The following BRINP2 variants were observed in gnomAD, a reference collection of about 807,000 sequenced individuals.
The protein encoded by BRINP2 is BMP/retinoic acid inducible neural specific 2.
BRINP2 carries 21 observed loss-of-function variants against 69.2 expected under a neutral mutation model. That is an observed-to-expected ratio of 0.30 (90% CI 0.22 to 0.44). The LOEUF (loss-of-function observed/expected upper bound fraction) is 0.44, where lower values mean the gene tolerates loss of function less well. BRINP2 is among the 20% of genes least tolerant of loss of function. The pLI is 1.00. For missense variants in BRINP2, 877 were observed against 986.0 expected, an observed-to-expected ratio of 0.89 and a Z score of 1.48; for synonymous variants, 380 against 394.1, an observed-to-expected ratio of 0.96 and a Z score of 0.42.
chr1:177,222,697 A>T (rs1649572457), intron 1 of BRINP2, among the ~76,000 whole-genome samples: 1 of 142,334 alleles, frequency 7.0e-6, no homozygotes, highest in East Asian at 2.0e-4. Context: ...TTGTTATCTT[A>T]AAAAAAAAAA....
In BRINP2 at chr1:177,209,311, T is replaced by G. The variant is rs551675605; in HGVS notation, c.-76-20490T>G. Reference sequence around the variant, plus strand: ...AGAAAGCATATGGGTAATTTCTCCCTAGGCCCTCCACACCAGCTGAGATGT... The same window carrying G: ...AGAAAGCATATGGGTAATTTCTCCCGAGGCCCTCCACACCAGCTGAGATGT... On this transcript the variant is annotated intron_variant, in intron 1 of 7. Transcript: ENST00000361539. Among the ~76,000 whole-genome samples the G allele has an allele frequency of 9.4e-4, 143 of 152,282 alleles. 1 individual carries two copies. Among genetic ancestry groups the G allele is most frequent in the African/African-American group, 2.7e-3 (111 of 41,572 alleles).
Position 177,255,907 on chromosome 1 carries a change from C to T in BRINP2, c.270-12C>T. The T allele has an allele frequency of 6.2e-7, 1 of 1,612,930 alleles. No individual in the cohort carries two copies. The highest frequency in any genetic ancestry group is 8.5e-7 in the Non-Finnish European group (1 of 1,179,310). On this transcript the variant is annotated splice_polypyrimidine_tract_variant and intron_variant, in intron 2 of 7. Transcript: ENST00000361539. ...AGGTCAGCTTTTCCTTATCCCTTGG[C>T]TTTTCCCCCAGGGAGTTTGCCCGTT...
At chr1:177,251,672 C>A (rs1330273444) in intron 2 of BRINP2, among the ~76,000 whole-genome samples, 1 of 152,144 alleles carries the variant, frequency 6.6e-6, no homozygotes, top group Non-Finnish European at 1.5e-5. Flanking sequence ...TTTAGGTAAA[C>A]CACTTACCCT....
rs751131057 is a variant in BRINP2 at position 177,276,204 on chromosome 1, A to C, written c.782A>C (p.Gln261Pro). Residue 261 changes from glutamine to proline, a missense_variant, in exon 6 of 8, where the codon CAG becomes CCG. Gln to Pro is a moderately conservative substitution (Grantham distance 76). Around this residue, in one of 3 missense-constraint regions of BRINP2, gnomAD observed 566 missense variants for 625.2 expected, o/e 0.91. Coordinates refer to ENST00000361539, the MANE Select transcript of BRINP2 (RefSeq NM_021165.4). ...TGACACATCCTTTCCCCAGGCCTTCAGGTGCTGCTGCCTGAGTATCTGCGT... is the reference window on the plus strand; with the variant it reads ...TGACACATCCTTTCCCCAGGCCTTCCGGTGCTGCTGCCTGAGTATCTGCGT... ...PENKVQLLGL[Q>P]VLLPEYLRER... The C allele has an allele frequency of 3.7e-6, 6 of 1,611,572 alleles. No individual in the cohort carries two copies. The Admixed American group carries it at 1.0e-4, about 27-fold the overall frequency.
intron 2 of BRINP2, among the ~76,000 whole-genome samples, chr1:177,247,519 AT>A: frequency 6.6e-6 from 1 of 152,374 alleles, no homozygotes; most frequent in Non-Finnish European, 1.5e-5. Context: ...ATTCAATAAC[AT>A]GTCCTCTGTT....
At chr1:177,231,931 A>C (rs754341954) in intron 2 of BRINP2, among the ~76,000 whole-genome samples, 1 of 152,226 alleles carries the variant, frequency 6.6e-6, no homozygotes, top group African/African-American at 2.4e-5. Context: ...TACACTTTCT[A>C]GATGGCAAAT....
chr1:177,180,336 T>C (rs909735113), intron 1 of BRINP2, among the ~76,000 whole-genome samples: 2 of 152,196 alleles, frequency 1.3e-5, no homozygotes, highest in African/African-American at 4.8e-5. Context: ...AAGACAAACC[T>C]GGGCATCAAT....
rs567330674 is a variant in BRINP2, at chr1:177,256,639, C to G, written c.460+530C>G. 40 of 1,031,496 alleles carry G rather than the reference C, an allele frequency of 3.9e-5. No homozygotes were observed. In the South Asian group the frequency reaches 1.3e-3, roughly 33 times the overall value. The allele number at this position is 1,031,496 out of a possible 1,614,324, so 63.9% of individuals were successfully genotyped here. ...AGGACCCAGGGCAGGATCAAAATCTCTGAAGATGCAGAGCTCCCTCTGCCC... is the reference window on the plus strand; with the variant it reads ...AGGACCCAGGGCAGGATCAAAATCTGTGAAGATGCAGAGCTCCCTCTGCCC... On this transcript the variant is annotated intron_variant, in intron 3 of 7. Coordinates refer to ENST00000361539, the MANE Select transcript of BRINP2 (RefSeq NM_021165.4).
intron 4 of BRINP2, among the ~76,000 whole-genome samples, chr1:177,264,910 C>A (rs1450305625): frequency 6.6e-6 from 1 of 152,242 alleles, no homozygotes; most frequent in Non-Finnish European, 1.5e-5. Context: ...ATGCTATCCC[C>A]AACAAGCTAC....
chr1:177,282,056 GC>G lies in BRINP2; in HGVS notation c.*531del, dbSNP rs1651722429. On this transcript the variant is annotated 3_prime_UTR_variant, in exon 8 of 8. Transcript: ENST00000361539. ...TACTTTTGTATGCTGCCTCCTCTGT[GC>G]CCTCCCAGACGCTGACTGGGAAACA... The G allele has an allele frequency of 6.5e-6, 1 of 152,808 alleles. No homozygotes were observed. The highest frequency in any genetic ancestry group is 1.5e-5 in the Non-Finnish European group (1 of 68,228). The allele number at this position is 152,808 out of a possible 1,614,324, so 9.5% of individuals were successfully genotyped here. A position where few individuals can be genotyped will look rare whatever the true frequency, so the allele number is the denominator to read the frequency against.
At chr1:177,225,407 T>G (rs1649665592) in intron 1 of BRINP2, among the ~76,000 whole-genome samples, 1 of 152,250 alleles carries the variant, frequency 6.6e-6, no homozygotes, top group African/African-American at 2.4e-5. Flanking sequence ...CACTAGTAAA[T>G]TTATAATTCT....
intron 1 of BRINP2, among the ~76,000 whole-genome samples, chr1:177,214,240 T>G (rs1336456545): frequency 6.6e-6 from 1 of 152,112 alleles, no homozygotes; most frequent in African/African-American, 2.4e-5. Context: ...GAGACCAGCC[T>G]GTCTGACATG....
At chr1:177,175,844 C>T (rs1051711591) in intron 1 of BRINP2, among the ~76,000 whole-genome samples, 24 of 152,328 alleles carry the variant, frequency 1.6e-4, no homozygotes, top group African/African-American at 5.5e-4. Context: ...GTGAGCATGA[C>T]TCCTTTTCTC....
intron 2 of BRINP2, among the ~76,000 whole-genome samples, chr1:177,242,844 C>T (rs1255241368): frequency 6.6e-6 from 1 of 152,062 alleles, no homozygotes; most frequent in Admixed American, 6.6e-5. Context: ...TAGATGAAGG[C>T]GTAAACAAGT....
intron 1 of BRINP2, among the ~76,000 whole-genome samples, chr1:177,189,761 G>T (rs1239349882): frequency 6.6e-6 from 1 of 152,182 alleles, no homozygotes; most frequent in Non-Finnish European, 1.5e-5. Context: ...TTGTGCAGCT[G>T]CCACTCTCCA....
intron 1 of BRINP2, among the ~76,000 whole-genome samples, chr1:177,212,701 CAT>C (rs1331598304): frequency 6.6e-6 from 1 of 152,170 alleles, no homozygotes; most frequent in African/African-American, 2.4e-5. Flanking sequence ...GAAGTCTGCA[CAT>C]GTTACAATCA....
At chr1:177,222,382 G>T (rs758292472) in intron 1 of BRINP2, among the ~76,000 whole-genome samples, 4 of 152,024 alleles carry the variant, frequency 2.6e-5, no homozygotes, top group African/African-American at 4.8e-5. Context: ...CACGATCTGG[G>T]CTCACTGCAA....
At chr1:177,243,239 A>G (rs1000374052) in intron 2 of BRINP2, among the ~76,000 whole-genome samples, 4 of 152,238 alleles carry the variant, frequency 2.6e-5, no homozygotes, top group Non-Finnish European at 5.9e-5. Context: ...CGTTTTATGC[A>G]TAGAACGCTG....
intron 2 of BRINP2, among the ~76,000 whole-genome samples, chr1:177,248,025 T>C (rs1650440241): frequency 6.6e-6 from 1 of 152,114 alleles, no homozygotes; most frequent in Non-Finnish European, 1.5e-5. Flanking sequence ...GACAGCCCTA[T>C]CTGTGGACTT....
Sources: allele counts gnomAD v4.1 joint callset (sites outside exome capture counted in the v4.1 genomes callset), GRCh38; gene constraint gnomAD v4.1.1; regional missense constraint gnomAD v4.1.1; transcripts MANE v1.5; gene names NCBI Gene and HGNC (gene_info 2026-07-23, HGNC 2026-07-21).